Variants in CLIC4 observed in about 807,000 individuals in gnomAD.
CLIC4 encodes the protein CLIC family member 4.
In CLIC4, 13 loss-of-function variants were observed where a neutral mutation model predicts 24.6. The ratio of observed to expected loss-of-function variants is 0.53; its 90% CI spans 0.34 to 0.84. The LOEUF is 0.84. Among genes scored for constraint, CLIC4 ranks in the 40% least tolerant of loss-of-function variants. The probability of loss-of-function intolerance (pLI) is 0.01; values close to 1 mark genes in which losing one functional copy is unlikely to be tolerated. For missense variants in CLIC4, 227 were observed against 301.7 expected (o/e 0.75, Z 1.83); for synonymous variants, 104 against 111.3 (o/e 0.93, Z 0.41).
At chr1:24,789,709 A>C (rs891578202) in intron 1 of CLIC4, among the ~76,000 whole-genome samples, 1 of 151,464 alleles carries the variant, frequency 6.6e-6, no homozygotes, top group African/African-American at 2.4e-5. Context: ...TCAGTTCTAA[A>C]ATTTCCATCT....
chr1:24,837,421 C>T (rs991643341), intron 4 of CLIC4, among the ~76,000 whole-genome samples: 1 of 152,056 alleles, frequency 6.6e-6, no homozygotes, highest in Admixed American at 6.6e-5. Flanking sequence ...AAAAAGAAAA[C>T]TCCAGATCCA....
At chr1:24,806,828 CAGACAAAGCAGATCTTAT>C (rs1421114573) in intron 2 of CLIC4, among the ~76,000 whole-genome samples, 3 of 152,130 alleles carry the variant, frequency 2.0e-5, no homozygotes, top group Non-Finnish European at 4.4e-5. Context: ...TTAATCTTTA[CAGACAAAGCAGATCTTAT>C]AAAGAGGAAA....
chr1:24,771,369 C>T (rs1247578811), intron 1 of CLIC4, among the ~76,000 whole-genome samples: 2 of 152,204 alleles, frequency 1.3e-5, no homozygotes, highest in Non-Finnish European at 2.9e-5. Context: ...TGCCACTCAT[C>T]TGAATCACCT....
intron 1 of CLIC4, among the ~76,000 whole-genome samples, chr1:24,777,392 G>T (rs1309545688): frequency 6.6e-6 from 1 of 151,964 alleles, no homozygotes; most frequent in African/African-American, 2.4e-5. Flanking sequence ...AAAAATACAA[G>T]AATTAGTCAG....
At chr1:24,809,967 C>T (rs1639595221) in intron 2 of CLIC4, among the ~76,000 whole-genome samples, 1 of 152,214 alleles carries the variant, frequency 6.6e-6, no homozygotes, top group African/African-American at 2.4e-5. Flanking sequence ...AGTTTTCAAA[C>T]ATGCATAAGA....
At chr1:24,822,383 G>A (rs1639744239) in intron 3 of CLIC4, among the ~76,000 whole-genome samples, 1 of 118,368 alleles carries the variant, frequency 8.4e-6, no homozygotes, top group Admixed American at 1.2e-4. Flanking sequence ...GAGCCTTGCT[G>A]TGTCGCCCAG....
chr1:24,796,620 T>G (rs190468239), intron 1 of CLIC4, among the ~76,000 whole-genome samples: 6 of 152,314 alleles, frequency 3.9e-5, no homozygotes, highest in Admixed American at 1.3e-4. Context: ...CTAGGAGCAA[T>G]AGGCTATACC....
At chr1:24,839,393 G>A (rs1006698501) in intron 4 of CLIC4, among the ~76,000 whole-genome samples, 3 of 152,056 alleles carry the variant, frequency 2.0e-5, no homozygotes, top group Non-Finnish European at 2.9e-5. Context: ...TCGGCCTCCC[G>A]GGTTCACGCC....
At chr1:24,761,190 T>A (rs750534016) in intron 1 of CLIC4, among the ~76,000 whole-genome samples, 16 of 152,118 alleles carry the variant, frequency 1.1e-4, no homozygotes, top group Non-Finnish European at 2.1e-4. Flanking sequence ...CTAGTTCTGA[T>A]GGGGAGGAGA....
chr1:24,825,672 T>C (rs1639780629), intron 3 of CLIC4, among the ~76,000 whole-genome samples: 1 of 152,188 alleles, frequency 6.6e-6, no homozygotes, highest in Non-Finnish European at 1.5e-5. Context: ...CCATAGATAT[T>C]TTATATCTTC....
chr1:24,808,588 C>T (rs754148988), intron 2 of CLIC4, among the ~76,000 whole-genome samples: 3 of 150,032 alleles, frequency 2.0e-5, no homozygotes, highest in African/African-American at 4.9e-5. Flanking sequence ...GATCATGGCT[C>T]GCCTCAGCCT....
intron 1 of CLIC4, among the ~76,000 whole-genome samples, chr1:24,786,093 G>A (rs1310276112): frequency 1.3e-5 from 2 of 152,058 alleles, no homozygotes; most frequent in African/African-American, 2.4e-5. Context: ...ACGCTCCCCA[G>A]AAAATATGTC....
At chr1:24,813,462 A>T (rs1639637442) in intron 2 of CLIC4, among the ~76,000 whole-genome samples, 2 of 151,868 alleles carry the variant, frequency 1.3e-5, no homozygotes, top group Non-Finnish European at 2.9e-5. Flanking sequence ...TCTGTCACCT[A>T]GGCTGGAGTG....
chr1:24,826,417 G>C (rs1433002890), intron 3 of CLIC4, among the ~76,000 whole-genome samples: 5 of 152,154 alleles, frequency 3.3e-5, no homozygotes, highest in Non-Finnish European at 7.3e-5. Flanking sequence ...CTGCCGTTGG[G>C]GTTCTCTGGC....
At chr1:24,832,216 A>C (rs1201996819) in intron 4 of CLIC4, among the ~76,000 whole-genome samples, 1 of 484 alleles carries the variant, frequency 2.1e-3, no homozygotes, top group African/African-American at 2.1e-3. Flanking sequence ...TATTTTTTTT[A>C]TTTTTTATTT....
intron 1 of CLIC4, among the ~76,000 whole-genome samples, chr1:24,777,442 G>A (rs1639154762): frequency 6.6e-6 from 1 of 152,154 alleles, no homozygotes; most frequent in Non-Finnish European, 1.5e-5. Context: ...TACTCGGGAG[G>A]CTGAGGCAGG....
intron 1 of CLIC4, among the ~76,000 whole-genome samples, chr1:24,775,224 C>CTTTTTT: frequency 3.2e-4 from 29 of 90,640 alleles, no homozygotes; most frequent in Non-Finnish European, 4.4e-4. Flanking sequence ...TTCTTTCTTT[C>CTTTTTT]TTTTTTTTTT....
intron 1 of CLIC4, among the ~76,000 whole-genome samples, chr1:24,770,738 TTTTTG>T (rs1639061443): frequency 6.6e-6 from 1 of 152,182 alleles, no homozygotes; most frequent in African/African-American, 2.4e-5. Flanking sequence ...TCTTCTTTTT[TTTTTG>T]TTTTTTGAGT....
chr1:24,810,991 A>G (rs911629962), intron 2 of CLIC4, among the ~76,000 whole-genome samples: 2 of 151,898 alleles, frequency 1.3e-5, no homozygotes, highest in Admixed American at 6.6e-5. Context: ...AGGCAGGAGA[A>G]TGGCGTGAAC....
Sources: gnomAD v4.1 joint callset for allele counts (sites outside exome capture counted in the v4.1 genomes callset) on GRCh38, gnomAD v4.1.1 for gene constraint, MANE v1.5 for transcripts, NCBI Gene and HGNC (gene_info 2026-07-23, HGNC 2026-07-21) for gene names.